Variants in KLHL29 observed in about 807,000 individuals in gnomAD.
KLHL29 encodes kelch like family member 29.
A neutral mutation model predicts 80.4 loss-of-function variants in KLHL29; 21 were observed. The ratio of observed to expected loss-of-function variants is 0.26; its 90% CI spans 0.19 to 0.38. The LOEUF is 0.38. Among genes scored for constraint, KLHL29 ranks in the 10% least tolerant of loss-of-function variants. The probability of loss-of-function intolerance (pLI) is 1.00; values close to 1 mark genes in which losing one functional copy is unlikely to be tolerated. For missense variants in KLHL29, 867 were observed against 1,223.9 expected, an observed-to-expected ratio of 0.71 and a Z score of 4.35; for synonymous variants, 511 against 526.8, an observed-to-expected ratio of 0.97 and a Z score of 0.41.
intron 1 of KLHL29, among the ~76,000 whole-genome samples, chr2:23,396,156 G>A (rs1370443423): frequency 6.6e-6 from 1 of 152,184 alleles, no homozygotes; most frequent in African/African-American, 2.4e-5. Context: ...CCAACCCAGT[G>A]GTGCTCATAT....
At chr2:23,389,152 A>C (rs1320101438) in intron 1 of KLHL29, among the ~76,000 whole-genome samples, 5 of 152,096 alleles carry the variant, frequency 3.3e-5, no homozygotes, top group Non-Finnish European at 5.9e-5. Flanking sequence ...TCAGAACAGC[A>C]GAGGATTTTC....
chr2:23,670,987 T>C (rs62127279), intron 5 of KLHL29, among the ~76,000 whole-genome samples: 84 of 2,120 alleles, frequency 0.04, 4 homozygotes, highest in Non-Finnish European at 0.074. Flanking sequence ...TCTCCCTCCC[T>C]CCCTCCCTCC....
chr2:23,465,141 C>T (rs1005698046), intron 1 of KLHL29, among the ~76,000 whole-genome samples: 5 of 152,134 alleles, frequency 3.3e-5, no homozygotes, highest in African/African-American at 9.7e-5. Context: ...TGAGCAAACT[C>T]GAGGTCTCGT....
At chr2:23,429,767 AAAAAG>A (rs975333469) in intron 1 of KLHL29, among the ~76,000 whole-genome samples, 23 of 152,276 alleles carry the variant, frequency 1.5e-4, no homozygotes, top group African/African-American at 5.5e-4. Context: ...AAAAAAAAGA[AAAAAG>A]AAAAAAAAAA....
chr2:23,664,867 T>A (rs1193067689), intron 5 of KLHL29, among the ~76,000 whole-genome samples: 1 of 152,164 alleles, frequency 6.6e-6, no homozygotes. Flanking sequence ...AGATGCTTTA[T>A]CTCCTTTGTC....
chr2:23,662,379 G>T (rs190097624), intron 5 of KLHL29, among the ~76,000 whole-genome samples: 37 of 152,332 alleles, frequency 2.4e-4, no homozygotes, highest in Middle Eastern at 3.4e-3. Context: ...CGTGTTCTGA[G>T]CAGTGATCAA....
Position 23,696,195 on chromosome 2 carries a change from C to A in KLHL29, c.1924+62C>A. ...GGGGTCCCAAGGGGACTGCTCCCCA[C>A]GTCAGGGCTGAGGAAGGCCATGGCC... On this transcript the variant is annotated intron_variant, in intron 10 of 13. Transcript: ENST00000486442. This position sits in a 1 kb window ranked among gnomAD's most constrained non-coding sequence, Gnocchi z 5.5. 1 of 1,509,086 alleles carries A rather than the reference C, an allele frequency of 6.6e-7. No homozygotes were observed. The highest frequency in any genetic ancestry group is 9.0e-7 in the Non-Finnish European group (1 of 1,116,850). 93.5% of individuals were successfully genotyped at this position (1,509,086 alleles called of 1,614,324 possible). A position where few individuals can be genotyped will look rare whatever the true frequency, so the allele number is the denominator to read the frequency against.
intron 3 of KLHL29, among the ~76,000 whole-genome samples, chr2:23,627,666 C>T (rs1291932034): frequency 6.6e-6 from 1 of 152,168 alleles, no homozygotes; most frequent in Non-Finnish European, 1.5e-5. Flanking sequence ...CGGTGTGACT[C>T]TGCCGCGTCC....
At chr2:23,413,002 A>C (rs770418598) in intron 1 of KLHL29, among the ~76,000 whole-genome samples, 4 of 152,128 alleles carry the variant, frequency 2.6e-5, no homozygotes, top group African/African-American at 4.8e-5. Flanking sequence ...TGTTTTTGAC[A>C]TTTGAAGATT....
chr2:23,390,559 CAT>C (rs928493550), intron 1 of KLHL29, among the ~76,000 whole-genome samples: 1 of 151,110 alleles, frequency 6.6e-6, no homozygotes, highest in South Asian at 2.1e-4. Flanking sequence ...TATATATACA[CAT>C]ACATATATAT....
At chr2:23,533,407 T>C (rs892270425) in intron 2 of KLHL29, among the ~76,000 whole-genome samples, 27 of 152,176 alleles carry the variant, frequency 1.8e-4, no homozygotes, top group Non-Finnish European at 1.0e-4. Flanking sequence ...GGAGGGGTCC[T>C]GTGGAGACTT....
chr2:23,420,278 T>C (rs1393709294), intron 1 of KLHL29, among the ~76,000 whole-genome samples: 1 of 152,196 alleles, frequency 6.6e-6, no homozygotes, highest in African/African-American at 2.4e-5. Context: ...CTCGAAGCCC[T>C]GTTTCCTCTC....
At chr2:23,437,488 A>G (rs1458755722) in intron 1 of KLHL29, among the ~76,000 whole-genome samples, 4 of 152,212 alleles carry the variant, frequency 2.6e-5, no homozygotes, top group African/African-American at 7.2e-5. Context: ...TTAGTAGACA[A>G]CAGGTTCTGC....
intron 3 of KLHL29, among the ~76,000 whole-genome samples, chr2:23,581,845 A>AAAAAAAC (rs1395770800): frequency 4.0e-5 from 6 of 151,454 alleles, no homozygotes; most frequent in African/African-American, 1.5e-4. Context: ...AAAAAAAAAA[A>AAAAAAAC]ACTTTTATTT....
At chr2:23,621,083 G>T (rs2149143469) in intron 3 of KLHL29, among the ~76,000 whole-genome samples, 1 of 152,376 alleles carries the variant, frequency 6.6e-6, no homozygotes, top group African/African-American at 2.4e-5. Flanking sequence ...GGGGACTGCA[G>T]TGCTCCAAGC....
At chr2:23,573,734 G>T (rs913712562) in intron 3 of KLHL29, among the ~76,000 whole-genome samples, 1 of 152,188 alleles carries the variant, frequency 6.6e-6, no homozygotes, top group Non-Finnish European at 1.5e-5. Context: ...CTGATCAGGC[G>T]ACCGTTTTTC....
At chr2:23,615,483 C>T (rs1668980280) in intron 3 of KLHL29, among the ~76,000 whole-genome samples, 1 of 152,148 alleles carries the variant, frequency 6.6e-6, no homozygotes, top group Non-Finnish European at 1.5e-5. Flanking sequence ...GCAGGGAGCT[C>T]TGAGTCAGCC....
At chr2:23,624,137 A>G (rs1669253040) in intron 3 of KLHL29, among the ~76,000 whole-genome samples, 1 of 152,150 alleles carries the variant, frequency 6.6e-6, no homozygotes, top group Non-Finnish European at 1.5e-5. Context: ...GGTATTCCAC[A>G]TGAGCTGTGC....
intron 7 of KLHL29, among the ~76,000 whole-genome samples, chr2:23,692,655 C>T (rs1180045571): frequency 6.6e-6 from 1 of 152,134 alleles, no homozygotes; most frequent in East Asian, 1.9e-4. Flanking sequence ...TTGGAAGAAC[C>T]ACTAGCATGA....
Sources: allele counts gnomAD v4.1 joint callset (sites outside exome capture counted in the v4.1 genomes callset), GRCh38; gene constraint gnomAD v4.1.1; non-coding constraint Gnocchi (gnomAD v3.1); transcripts MANE v1.5; gene names NCBI Gene and HGNC (gene_info 2026-07-23, HGNC 2026-07-21).